TTC7B: variants seen among roughly 807,000 people sequenced by gnomAD.
TTC7B encodes the protein tetratricopeptide repeat domain 7B.
In TTC7B, 28 loss-of-function variants were observed where a neutral mutation model predicts 106.8. That is an observed-to-expected ratio of 0.26 (90% CI 0.19 to 0.36). The LOEUF is 0.36. Among genes scored for constraint, TTC7B ranks in the 10% least tolerant of loss-of-function variants. The pLI is 1.00. For synonymous variants in TTC7B, 405 were observed against 430.6 expected (o/e 0.94, Z 0.74); for missense variants, 862 against 1,076.4 (o/e 0.80, Z 2.79).
chr14:90,610,149 G>A (rs538665775), intron 17 of TTC7B, among the ~76,000 whole-genome samples: 4 of 152,300 alleles, frequency 2.6e-5, no homozygotes, highest in South Asian at 2.1e-4. Flanking sequence ...CGGGCATTTC[G>A]GGTAAGGGAC....
chr14:90,616,208 C>G (rs1893066979), intron 16 of TTC7B, among the ~76,000 whole-genome samples: 1 of 152,180 alleles, frequency 6.6e-6, no homozygotes, highest in African/African-American at 2.4e-5. Flanking sequence ...GGCGCCGAGG[C>G]AACCTGCCTG....
In TTC7B at chr14:90,805,826, GAGCCCTGCGGCGGGCACAGCTCAATGCCC is replaced by G. The variant is rs568566198; in HGVS notation, c.121+10320_121+10348del. Among the ~76,000 whole-genome samples the G allele has an allele frequency of 0.015, 2,340 of 152,318 alleles. 17 individuals are homozygous for G. Among genetic ancestry groups the G allele is most frequent in the African/African-American group, 0.026 (1,081 of 41,576 alleles). ...CTCAGCTCATCAGAGTCACTCCTGTGAGCCCTGCGGCGGGCACAGCTCAATGCCCAGGGGCACTTGGCCTCCTTGATCCC... is the reference window on the plus strand; with the variant it reads ...CTCAGCTCATCAGAGTCACTCCTGTGAGGGGCACTTGGCCTCCTTGATCCC... On this transcript the variant is annotated intron_variant, in intron 1 of 19. Transcript: ENST00000328459. This position sits in a 1 kb window ranked among gnomAD's most constrained non-coding sequence, Gnocchi z 4.0.
At chr14:90,627,448 C>A (rs1300529474) in intron 15 of TTC7B, among the ~76,000 whole-genome samples, 1 of 152,194 alleles carries the variant, frequency 6.6e-6, no homozygotes, top group East Asian at 1.9e-4. Context: ...ATCCACTGTC[C>A]TGGAAAAATC....
chr14:90,614,947 C>T (rs1310819016), intron 16 of TTC7B, among the ~76,000 whole-genome samples: 5 of 152,206 alleles, frequency 3.3e-5, no homozygotes, highest in African/African-American at 9.7e-5. Flanking sequence ...GGGAGCCTTA[C>T]ACTTCACCCA....
At chr14:90,791,085 C>T (rs1342714091) in intron 1 of TTC7B, among the ~76,000 whole-genome samples, 1 of 152,176 alleles carries the variant, frequency 6.6e-6, no homozygotes, top group African/African-American at 2.4e-5. Context: ...CCAAAGCCCT[C>T]AGCAATGGAA....
intron 5 of TTC7B, among the ~76,000 whole-genome samples, chr14:90,727,398 T>C (rs577208326): frequency 5.9e-5 from 9 of 152,280 alleles, no homozygotes; most frequent in African/African-American, 2.2e-4. Flanking sequence ...GAGTCTAAAT[T>C]TTTCTAAACA....
At chr14:90,712,968 T>C (rs1485221005) in intron 5 of TTC7B, among the ~76,000 whole-genome samples, 1 of 152,188 alleles carries the variant, frequency 6.6e-6, no homozygotes, top group Non-Finnish European at 1.5e-5. Flanking sequence ...CAAACCTTTA[T>C]GTTTATGTTA....
At chr14:90,708,543 G>A (rs1035198143) in intron 5 of TTC7B, among the ~76,000 whole-genome samples, 5 of 152,160 alleles carry the variant, frequency 3.3e-5, no homozygotes, top group African/African-American at 7.2e-5. Context: ...TTTACAGCAT[G>A]GTTCACTGAA....
At chr14:90,669,823 C>T (rs1886564393) in intron 9 of TTC7B, among the ~76,000 whole-genome samples, 1 of 152,154 alleles carries the variant, frequency 6.6e-6, no homozygotes, top group African/African-American at 2.4e-5. Flanking sequence ...CTGTGTATTG[C>T]TGGTAGGAAT....
intron 5 of TTC7B, among the ~76,000 whole-genome samples, chr14:90,728,853 C>T (rs1171191700): frequency 1.3e-5 from 2 of 152,246 alleles, no homozygotes; most frequent in Admixed American, 1.3e-4. Flanking sequence ...GTGATGACCA[C>T]CATTTATCGT....
intron 4 of TTC7B, among the ~76,000 whole-genome samples, chr14:90,737,546 GTTTTTTTTTTTTT>G (rs71461922): frequency 3.3e-5 from 3 of 91,770 alleles, no homozygotes; most frequent in African/African-American, 1.1e-4. Flanking sequence ...GTATGATTCT[GTTTTTTTTTTTTT>G]TTTTTTTTTT....
Position 90,684,625 on chromosome 14 carries a change from G to C in TTC7B, c.951-4090C>G, listed in dbSNP as rs140798474. Among the ~76,000 whole-genome samples, 49 of 152,306 alleles carry C rather than the reference G, an allele frequency of 3.2e-4. No individual in the cohort carries two copies. In the East Asian group the frequency reaches 9.3e-3, roughly 29 times the overall value. The stretch of plus-strand genomic sequence containing the variant: ...GTTAGACAAAAGAAGTTAAACATTA[G>C]AGAGTGCATATCGTATGATTCCATG... On this transcript the variant is annotated intron_variant, in intron 7 of 19. Transcript: ENST00000328459.
At chr14:90,794,003 A>G (rs1891681845) in intron 1 of TTC7B, among the ~76,000 whole-genome samples, 1 of 151,898 alleles carries the variant, frequency 6.6e-6, no homozygotes, top group East Asian at 1.9e-4. Flanking sequence ...CCCAGGTTCA[A>G]GCAAGTCTCA....
chr14:90,622,932 A>G (rs1009388129), intron 15 of TTC7B, among the ~76,000 whole-genome samples: 1 of 152,052 alleles, frequency 6.6e-6, no homozygotes, highest in Admixed American at 6.6e-5. Context: ...TCCATTGCCC[A>G]TCACCTACGC....
intron 5 of TTC7B, among the ~76,000 whole-genome samples, chr14:90,711,336 A>C (rs145726240): frequency 3.4e-3 from 522 of 152,372 alleles, no homozygotes; most frequent in African/African-American, 0.012. Flanking sequence ...ATATTGGAGC[A>C]AAGTTGCTAG....
intron 17 of TTC7B, among the ~76,000 whole-genome samples, chr14:90,604,571 T>C (rs1190535285): frequency 2.0e-5 from 3 of 152,222 alleles, no homozygotes; most frequent in African/African-American, 7.2e-5. Flanking sequence ...AGTGGTTCTT[T>C]CTGGCAGCAG....
intron 1 of TTC7B, among the ~76,000 whole-genome samples, chr14:90,813,172 C>A (rs2058823819): frequency 6.6e-6 from 1 of 152,232 alleles, no homozygotes. Flanking sequence ...GGACACCTTT[C>A]AGGGCCACCC....
intron 3 of TTC7B, among the ~76,000 whole-genome samples, chr14:90,774,368 T>C (rs1890957975): frequency 6.6e-6 from 1 of 152,226 alleles, no homozygotes; most frequent in Non-Finnish European, 1.5e-5. Flanking sequence ...AAGGCCCTAA[T>C]GCACAGATTT....
intron 13 of TTC7B, among the ~76,000 whole-genome samples, chr14:90,650,063 C>T (rs1488775427): frequency 2.0e-5 from 3 of 152,244 alleles, no homozygotes; most frequent in African/African-American, 7.2e-5. Context: ...GCATCTAACC[C>T]AGGGCTCTCT....
Sources: gnomAD v4.1 joint callset for allele counts (sites outside exome capture counted in the v4.1 genomes callset) on GRCh38, gnomAD v4.1.1 for gene constraint, Gnocchi (gnomAD v3.1) non-coding constraint, MANE v1.5 for transcripts, NCBI Gene and HGNC (gene_info 2026-07-23, HGNC 2026-07-21) for gene names.